Variants in LHFPL3 observed in about 807,000 individuals in gnomAD.
LHFPL3 encodes LHFPL tetraspan subfamily member 3.
A neutral mutation model predicts 19.3 loss-of-function variants in LHFPL3; 5 were observed. The observed-to-expected ratio is 0.26, with a 90% CI of 0.14 to 0.54. The LOEUF is 0.54. LHFPL3 is among the 20% of genes least tolerant of loss of function. The probability of loss-of-function intolerance (pLI) is 0.94; values close to 1 mark genes in which losing one functional copy is unlikely to be tolerated. For synonymous variants in LHFPL3, 133 were observed against 126.2 expected, an observed-to-expected ratio of 1.05 and a Z score of -0.36; for missense variants, 249 against 307.4, an observed-to-expected ratio of 0.81 and a Z score of 1.42.
intron 1 of LHFPL3, among the ~76,000 whole-genome samples, chr7:104,425,865 CTG>C (rs1472022387): frequency 1.3e-5 from 2 of 152,106 alleles, no homozygotes. Flanking sequence ...CATTTTTAGT[CTG>C]TTGCTTATGA....
chr7:104,842,378 C>G (rs1304060229), intron 2 of LHFPL3, among the ~76,000 whole-genome samples: 1 of 152,078 alleles, frequency 6.6e-6, no homozygotes, highest in Non-Finnish European at 1.5e-5. Flanking sequence ...ATCTACATGG[C>G]CTGCCTGGGG....
rs143598145 is a variant in LHFPL3, at chr7:104,632,171, T to C, written c.446-104504T>C. On this transcript the variant is annotated intron_variant, in intron 1 of 2. Coordinates refer to ENST00000424859, the MANE Select transcript of LHFPL3 (RefSeq NM_199000.3). ...ATATTTAGCCTATCCTTTAAATCAT[T>C]TGTGTTGGGTGAGGTCATACTTCTT... Among the ~76,000 whole-genome samples, 1,126 of 152,280 alleles carry C rather than the reference T, an allele frequency of 7.4e-3. 17 individuals are homozygous for C. The highest frequency in any genetic ancestry group is 0.026 in the African/African-American group (1,064 of 41,564).
At chr7:104,491,471 A>T (rs1793350709) in intron 1 of LHFPL3, among the ~76,000 whole-genome samples, 1 of 78,084 alleles carries the variant, frequency 1.3e-5, no homozygotes, top group Admixed American at 1.4e-4. Flanking sequence ...TTTTCCATGT[A>T]AAAAAAAAAA....
chr7:104,335,707 AT>A (rs1789792552), intron 1 of LHFPL3, among the ~76,000 whole-genome samples: 1 of 152,228 alleles, frequency 6.6e-6, no homozygotes. Context: ...TCTAACCAGA[AT>A]GTGGTATCAG....
intron 1 of LHFPL3, among the ~76,000 whole-genome samples, chr7:104,604,164 G>A (rs1791043386): frequency 6.6e-6 from 1 of 152,198 alleles, no homozygotes; most frequent in Admixed American, 6.5e-5. Flanking sequence ...CACAGCTCAT[G>A]CACTCTGCAG....
At chr7:104,434,178 A>C (rs925216177) in intron 1 of LHFPL3, among the ~76,000 whole-genome samples, 1 of 152,212 alleles carries the variant, frequency 6.6e-6, no homozygotes, top group Non-Finnish European at 1.5e-5. Context: ...ACAGAGGACT[A>C]ACTCCCCTTG....
At chr7:104,570,484 A>G (rs1478470824) in intron 1 of LHFPL3, among the ~76,000 whole-genome samples, 1 of 152,248 alleles carries the variant, frequency 6.6e-6, no homozygotes. Context: ...ACTTGATGGC[A>G]TGATTTGTAC....
intron 1 of LHFPL3, among the ~76,000 whole-genome samples, chr7:104,363,821 C>T (rs1790435837): frequency 6.6e-6 from 1 of 152,174 alleles, no homozygotes; most frequent in South Asian, 2.1e-4. Flanking sequence ...ATTGGAAAAG[C>T]AGGAAGGATG....
chr7:104,754,935 AG>A (rs1484953110), intron 2 of LHFPL3, among the ~76,000 whole-genome samples: 3 of 152,054 alleles, frequency 2.0e-5, no homozygotes, highest in African/African-American at 7.2e-5. Context: ...ACCAGGTGCT[AG>A]GGGGCAGAGT....
intron 1 of LHFPL3, among the ~76,000 whole-genome samples, chr7:104,542,019 T>G (rs1434614749): frequency 6.6e-6 from 1 of 151,862 alleles, no homozygotes; most frequent in Non-Finnish European, 1.5e-5. Context: ...GGAGGGTATT[T>G]GAAGCAAGAA....
At chr7:104,796,389 A>G (rs186065168) in intron 2 of LHFPL3, 5 of 152,368 alleles carry the variant, frequency 3.3e-5, no homozygotes, top group Admixed American at 3.3e-4. Context: ...TGGCCAATCA[A>G]GACAGGCTAG....
intron 1 of LHFPL3, among the ~76,000 whole-genome samples, chr7:104,338,282 G>C (rs1789876771): frequency 6.6e-6 from 1 of 151,766 alleles, no homozygotes; most frequent in African/African-American, 2.4e-5. Flanking sequence ...TGTATTTTTA[G>C]TAGAGACGGG....
rs765781733 is a variant in LHFPL3, at chr7:104,328,678, G to C, written c.-102G>C. On this transcript the variant is annotated 5_prime_UTR_variant, in exon 1 of 3. Coordinates refer to ENST00000424859, the MANE Select transcript of LHFPL3 (RefSeq NM_199000.3). The surrounding 1 kb of genome is among the most constrained non-coding windows in gnomAD (Gnocchi z 4.6). The stretch of plus-strand genomic sequence containing the variant: ...CTGCTGGGCTGAGGCGGAGGCAGGG[G>C]AGTTGCAGCGCGCGAGGCTCCGTGA... The C allele has an allele frequency of 9.1e-5, 90 of 987,738 alleles. No individual in the cohort carries two copies. Among genetic ancestry groups the C allele is most frequent in the Non-Finnish European group, 1.3e-4 (84 of 663,420 alleles). 61.2% of individuals were successfully genotyped at this position (987,738 alleles called of 1,614,324 possible).
At chr7:104,518,577 A>G (rs10252407) in intron 1 of LHFPL3, among the ~76,000 whole-genome samples, 17,120 of 152,158 alleles carry the variant, frequency 0.11, 1,208 homozygotes, top group East Asian at 0.24. Flanking sequence ...TGAGGTCAGG[A>G]GTTAGAGGCC....
chr7:104,795,586 A>G (rs1343193581), intron 2 of LHFPL3, among the ~76,000 whole-genome samples: 1 of 152,240 alleles, frequency 6.6e-6, no homozygotes, highest in Non-Finnish European at 1.5e-5. Context: ...AGCAACTGTC[A>G]GTCTCAGAAT....
intron 2 of LHFPL3, among the ~76,000 whole-genome samples, chr7:104,851,781 G>A (rs1384476199): frequency 6.6e-6 from 1 of 152,126 alleles, no homozygotes; most frequent in Non-Finnish European, 1.5e-5. Flanking sequence ...AGCAAAGTAA[G>A]AGACTTGGCG....
intron 1 of LHFPL3, among the ~76,000 whole-genome samples, chr7:104,584,150 C>G (rs1041938528): frequency 2.6e-5 from 4 of 152,026 alleles, no homozygotes; most frequent in Non-Finnish European, 5.9e-5. Flanking sequence ...GAGTTCATGT[C>G]CTTTGTAGGG....
intron 1 of LHFPL3, among the ~76,000 whole-genome samples, chr7:104,432,691 C>T (rs909119742): frequency 6.6e-6 from 1 of 152,190 alleles, no homozygotes; most frequent in African/African-American, 2.4e-5. Context: ...CCAATCTTGG[C>T]AGCTCCTCAT....
At chr7:104,384,787 CAAAA>C (rs771136918) in intron 1 of LHFPL3, among the ~76,000 whole-genome samples, 17 of 74,576 alleles carry the variant, frequency 2.3e-4, no homozygotes, top group Admixed American at 5.6e-4. Context: ...AACTCTATTT[CAAAA>C]AAAAAAAAAA....
Sources: allele counts gnomAD v4.1 joint callset (sites outside exome capture counted in the v4.1 genomes callset), GRCh38; gene constraint gnomAD v4.1.1; non-coding constraint Gnocchi (gnomAD v3.1); transcripts MANE v1.5; gene names NCBI Gene and HGNC (gene_info 2026-07-23, HGNC 2026-07-21).